Variants in LDB2 observed in about 807,000 individuals in gnomAD.
LDB2 encodes LIM domain-binding protein 2.
Under a neutral mutation model 44.3 loss-of-function variants are expected in LDB2, and 12 were observed. The observed-to-expected ratio is 0.27, with a 90% CI of 0.17 to 0.44. The LOEUF (loss-of-function observed/expected upper bound fraction) is 0.44, where lower values mean the gene tolerates loss of function less well. LDB2 is among the 20% of genes least tolerant of loss of function. The probability of loss-of-function intolerance (pLI) is 1.00; values close to 1 mark genes in which losing one functional copy is unlikely to be tolerated. For synonymous variants in LDB2, 164 were observed against 174.8 expected (o/e 0.94, Z 0.49); for missense variants, 344 against 473.5 (o/e 0.73, Z 2.54).
At chr4:16,577,058 A>C (rs1276755124) in intron 5 of LDB2, among the ~76,000 whole-genome samples, 1 of 152,142 alleles carries the variant, frequency 6.6e-6, no homozygotes, top group African/African-American at 2.4e-5. Flanking sequence ...ACCCTAAAAT[A>C]CTGGGTATGG....
At chr4:16,516,101 A>G (rs182915880) in intron 5 of LDB2, among the ~76,000 whole-genome samples, 2,105 of 151,892 alleles carry the variant, frequency 0.014, 51 homozygotes, top group African/African-American at 0.048. Flanking sequence ...TCCTGACCTC[A>G]TGATCTGCCC....
chr4:16,733,353 GAAAA>G (rs75067360), intron 2 of LDB2, among the ~76,000 whole-genome samples: 16 of 145,908 alleles, frequency 1.1e-4, no homozygotes, highest in South Asian at 4.3e-4. Flanking sequence ...TAAGAATTTG[GAAAA>G]AAAAAAAAAG....
intron 2 of LDB2, among the ~76,000 whole-genome samples, chr4:16,669,075 A>G (rs1744064625): frequency 6.6e-6 from 1 of 152,256 alleles, no homozygotes; most frequent in South Asian, 2.1e-4. Context: ...AACTAAGAGC[A>G]GGGAGCTGTT....
intron 2 of LDB2, among the ~76,000 whole-genome samples, chr4:16,661,748 T>C (rs755207037): frequency 3.3e-5 from 5 of 152,084 alleles, no homozygotes; most frequent in Admixed American, 6.6e-5. Flanking sequence ...ACTGAATGAA[T>C]TGAAAATCAC....
intron 2 of LDB2, among the ~76,000 whole-genome samples, chr4:16,611,825 G>A (rs1039142755): frequency 6.6e-6 from 1 of 152,020 alleles, no homozygotes; most frequent in Non-Finnish European, 1.5e-5. Flanking sequence ...AATTAACAAG[G>A]ATATCCAGGA....
chr4:16,612,534 A>G (rs567543734), intron 2 of LDB2, among the ~76,000 whole-genome samples: 79 of 152,236 alleles, frequency 5.2e-4, no homozygotes, highest in African/African-American at 1.8e-3. Context: ...GGGGATATAA[A>G]CACTGACACC....
Position 16,897,544 on chromosome 4 carries a change from C to T in LDB2, c.132+810G>A, listed in dbSNP as rs995614549. Among the ~76,000 whole-genome samples the T allele has an allele frequency of 2.6e-5, 4 of 152,088 alleles. No homozygotes were observed. In the South Asian group the frequency reaches 8.3e-4, roughly 31 times the overall value. On this transcript the variant is annotated intron_variant, in intron 1 of 7. Coordinates refer to ENST00000304523, the MANE Select transcript of LDB2 (RefSeq NM_001290.5). ...TTTAAAAAGTTCTGAAAGTCCTGTT[C>T]TCTCTGCTCCCAGAGTTGCTGGCTG...
chr4:16,548,387 A>G (rs1164180853), intron 5 of LDB2, among the ~76,000 whole-genome samples: 1 of 152,024 alleles, frequency 6.6e-6, no homozygotes, highest in Non-Finnish European at 1.5e-5. Flanking sequence ...CTTTCCACTC[A>G]TTCTTTCTCC....
intron 1 of LDB2, among the ~76,000 whole-genome samples, chr4:16,808,096 AAAGGAAAAAAAG>A (rs1417691720): frequency 3.3e-5 from 5 of 152,314 alleles, no homozygotes; most frequent in South Asian, 2.1e-4. Flanking sequence ...GAATCATTAA[AAAGGAAAAAAAG>A]AAGGAAAAAA....
At chr4:16,504,371 A>T (rs1553865854) in intron 7 of LDB2, among the ~76,000 whole-genome samples, 1 of 152,158 alleles carries the variant, frequency 6.6e-6, no homozygotes, top group Non-Finnish European at 1.5e-5. Context: ...GTTAGGGGAG[A>T]TAATTAATAG....
At chr4:16,793,533 G>GT (rs965283891) in intron 1 of LDB2, among the ~76,000 whole-genome samples, 24 of 152,208 alleles carry the variant, frequency 1.6e-4, no homozygotes, top group African/African-American at 4.8e-4. Flanking sequence ...CCCAAGATGT[G>GT]TTTTTTCTCA....
chr4:16,669,116 C>T (rs898532404), intron 2 of LDB2, among the ~76,000 whole-genome samples: 1 of 152,124 alleles, frequency 6.6e-6, no homozygotes, highest in African/African-American at 2.4e-5. Flanking sequence ...TATTGAGCAA[C>T]CAAAGCAAGA....
chr4:16,715,745 G>T (rs1246890698), intron 2 of LDB2, among the ~76,000 whole-genome samples: 1 of 152,018 alleles, frequency 6.6e-6, no homozygotes. Flanking sequence ...ATACTAAGAG[G>T]ATCTCCTCAA....
At chr4:16,632,842 G>C (rs1292428267) in intron 2 of LDB2, among the ~76,000 whole-genome samples, 3 of 152,254 alleles carry the variant, frequency 2.0e-5, no homozygotes, top group Non-Finnish European at 4.4e-5. Flanking sequence ...GTTGGTGGGA[G>C]TGTAAATTAG....
At chr4:16,568,427 G>T (rs1745306472) in intron 5 of LDB2, among the ~76,000 whole-genome samples, 1 of 152,216 alleles carries the variant, frequency 6.6e-6, no homozygotes, top group Non-Finnish European at 1.5e-5. Context: ...AGTGAGGGAT[G>T]TCTGTTTTTG....
At chr4:16,791,321 C>T (rs1310119065) in intron 1 of LDB2, among the ~76,000 whole-genome samples, 1 of 152,002 alleles carries the variant, frequency 6.6e-6, no homozygotes, top group East Asian at 1.9e-4. Context: ...CTTTGAGAGG[C>T]CAAGGTGGGT....
In LDB2 at chr4:16,683,958, A is replaced by G. The variant is rs76042459; in HGVS notation, c.235+75200T>C. On this transcript the variant is annotated intron_variant, in intron 2 of 7. Transcript: ENST00000304523. Reference sequence around the variant, plus strand: ...ACCACCCAGCTGGAAAGCAACACACATCATTTATCTCACTTTCTATTAGCA... The same window carrying G: ...ACCACCCAGCTGGAAAGCAACACACGTCATTTATCTCACTTTCTATTAGCA... Among the ~76,000 whole-genome samples the G allele has an allele frequency of 9.6e-3, 1,458 of 152,274 alleles. 32 individuals are homozygous for G. The highest frequency in any genetic ancestry group is 0.033 in the African/African-American group (1,386 of 41,544).
intron 1 of LDB2, among the ~76,000 whole-genome samples, chr4:16,764,042 A>G (rs1768613256): frequency 6.6e-6 from 1 of 152,200 alleles, no homozygotes; most frequent in South Asian, 2.1e-4. Context: ...AAGCTACTCA[A>G]TAAAGGTTAG....
chr4:16,512,903 C>T (rs992487425), intron 5 of LDB2, among the ~76,000 whole-genome samples: 10 of 152,116 alleles, frequency 6.6e-5, no homozygotes, highest in African/African-American at 1.4e-4. Flanking sequence ...TGGACTTTTC[C>T]GAATTCCTTC....
Sources: allele counts gnomAD v4.1 joint callset (sites outside exome capture counted in the v4.1 genomes callset), GRCh38; gene constraint gnomAD v4.1.1; transcripts MANE v1.5; gene names NCBI Gene and HGNC (gene_info 2026-07-23, HGNC 2026-07-21).